Variants in FHIT observed in about 807,000 individuals in gnomAD.
The protein encoded by FHIT is bis(5'-adenosyl)-triphosphatase.
In FHIT, 19 loss-of-function variants were observed where a neutral mutation model predicts 17.9. The observed-to-expected ratio is 1.06, with a 90% confidence interval of 0.74 to 1.56. The LOEUF (loss-of-function observed/expected upper bound fraction) is 1.56. Ranked by LOEUF, FHIT falls within the 40% of genes most tolerant of loss-of-function variation. The pLI, the probability that FHIT is intolerant of heterozygous loss-of-function variation, is 0.00. For missense variants in FHIT, 248 were observed against 189.2 expected, an observed-to-expected ratio of 1.31 and a Z score of -1.82; for synonymous variants, 81 against 69.7, an observed-to-expected ratio of 1.16 and a Z score of -0.81.
intron 4 of FHIT, among the ~76,000 whole-genome samples, chr3:60,696,265 G>T (rs1377412198): frequency 1.3e-5 from 2 of 152,086 alleles, no homozygotes; most frequent in African/African-American, 2.4e-5. Flanking sequence ...CAGTTTTAAG[G>T]TTCCTTCTAG....
At chr3:60,321,600 A>T (rs1709435639) in intron 5 of FHIT, among the ~76,000 whole-genome samples, 1 of 152,234 alleles carries the variant, frequency 6.6e-6, no homozygotes, top group African/African-American at 2.4e-5. Flanking sequence ...AGGAACTCCA[A>T]AGCCTGTAGG....
chr3:61,185,796 A>G (rs569431706), intron 2 of FHIT, among the ~76,000 whole-genome samples: 1 of 152,186 alleles, frequency 6.6e-6, no homozygotes, highest in Non-Finnish European at 1.5e-5. Flanking sequence ...GGGCTGTAGG[A>G]TTATACACAA....
intron 3 of FHIT, among the ~76,000 whole-genome samples, chr3:61,018,599 A>T (rs2032241098): frequency 6.6e-6 from 1 of 152,226 alleles, no homozygotes; most frequent in Admixed American, 6.5e-5. Context: ...AACACAGTAT[A>T]TCACCCCAGC....
chr3:60,458,584 G>GCAA (rs1553777358), intron 5 of FHIT, among the ~76,000 whole-genome samples: 13 of 150,754 alleles, frequency 8.6e-5, no homozygotes, highest in Admixed American at 7.3e-4. Context: ...AACTTAAAGT[G>GCAA]TAATAATAAT....
intron 2 of FHIT, among the ~76,000 whole-genome samples, chr3:61,177,043 G>T (rs1463963048): frequency 6.6e-6 from 1 of 152,036 alleles, no homozygotes; most frequent in Non-Finnish European, 1.5e-5. Context: ...CAGGCATGGC[G>T]GCGGGCGCCT....
intron 2 of FHIT, among the ~76,000 whole-genome samples, chr3:61,095,864 G>A (rs1035607654): frequency 6.6e-6 from 1 of 152,096 alleles, no homozygotes; most frequent in East Asian, 1.9e-4. Flanking sequence ...TAACAGATTT[G>A]CTATCTTGTT....
chr3:59,809,357 C>A (rs1332312063), intron 8 of FHIT, among the ~76,000 whole-genome samples: 2 of 152,168 alleles, frequency 1.3e-5, no homozygotes, highest in Non-Finnish European at 2.9e-5. Context: ...CCAAAGATTG[C>A]GGAAAGGAAG....
chr3:60,722,707 CTTTTTTTTT>C (rs1157024624), intron 4 of FHIT, among the ~76,000 whole-genome samples: 2 of 104,946 alleles, frequency 1.9e-5, no homozygotes, highest in African/African-American at 3.7e-5. Flanking sequence ...TACCTTAAAT[CTTTTTTTTT>C]TTTTTTTTTT....
At position 60,614,431 on chromosome 3, in the gene FHIT, C is replaced by T. The variant is rs374676970; in HGVS notation, c.-17-77452G>A. 4.5e-4 allele frequency among the ~76,000 whole-genome samples: 69 copies of T among 152,188 alleles called. 1 individual carries two copies. The South Asian group carries it at 0.012, about 28-fold the overall frequency. On this transcript the variant is annotated intron_variant, in intron 4 of 9. Transcript: ENST00000492590. ...CCAGCCTGGCCAACATGGCAAAACTCCATCTCTAATAAAAATACACAAATT... is the reference window on the plus strand; with the variant it reads ...CCAGCCTGGCCAACATGGCAAAACTTCATCTCTAATAAAAATACACAAATT...
intron 5 of FHIT, among the ~76,000 whole-genome samples, chr3:60,355,948 T>C (rs188781176): frequency 3.3e-4 from 50 of 152,234 alleles, no homozygotes; most frequent in Non-Finnish European, 5.7e-4. Flanking sequence ...CATTATCAAA[T>C]CAACACCCAA....
At chr3:59,868,060 A>AC (rs1559680458) in intron 8 of FHIT, among the ~76,000 whole-genome samples, 6 of 151,626 alleles carry the variant, frequency 4.0e-5, no homozygotes, top group Non-Finnish European at 5.9e-5. Context: ...AAAAAAAAAA[A>AC]AAAAAACCTT....
chr3:60,460,935 T>C (rs1029925290), intron 5 of FHIT, among the ~76,000 whole-genome samples: 14 of 152,204 alleles, frequency 9.2e-5, no homozygotes, highest in Non-Finnish European at 1.9e-4. Flanking sequence ...ACCTTAGTCA[T>C]CAGTCCCAAA....
chr3:60,894,612 C>T (rs956776286), intron 3 of FHIT, among the ~76,000 whole-genome samples: 1 of 151,986 alleles, frequency 6.6e-6, no homozygotes, highest in Non-Finnish European at 1.5e-5. Flanking sequence ...AAGTTAGGCT[C>T]CTTGATATTC....
chr3:60,171,392 A>C lies in FHIT; in HGVS notation c.104-157240T>G, dbSNP rs949698170. ...TTTGGGTGATGTTCTCTTTGGCCAT[A>C]TGATGTGGTACTCCCATCAGCCTGC... On this transcript the variant is annotated intron_variant, in intron 5 of 9. Transcript: ENST00000492590. 5.3e-5 allele frequency among the ~76,000 whole-genome samples: 8 copies of C among 152,134 alleles called. No homozygotes were observed. In the East Asian group the frequency reaches 1.5e-3, roughly 29 times the overall value.
chr3:59,945,242 T>G (rs1575741399), intron 7 of FHIT, among the ~76,000 whole-genome samples: 1 of 152,182 alleles, frequency 6.6e-6, no homozygotes, highest in South Asian at 2.1e-4. Context: ...GGTATCTTAT[T>G]GTGTTTTTGA....
chr3:60,768,970 T>C (rs1575501094), intron 4 of FHIT, among the ~76,000 whole-genome samples: 1 of 152,200 alleles, frequency 6.6e-6, no homozygotes, highest in Admixed American at 6.5e-5. Context: ...AAAAGACATA[T>C]ACTCAATAAG....
At chr3:60,346,526 GGAATC>G (rs1710789295) in intron 5 of FHIT, among the ~76,000 whole-genome samples, 1 of 152,146 alleles carries the variant, frequency 6.6e-6, no homozygotes. Context: ...TGTGTGGCCT[GGAATC>G]GATCTATGAG....
In FHIT at chr3:60,162,824, C is replaced by T. The variant is rs1700999163; in HGVS notation, c.104-148672G>A. ...CAAGTACATCATTCCCCTATGGCTT[C>T]CCTGGATATTGAGAGACCTGGATTA... On this transcript the variant is annotated intron_variant, in intron 5 of 9. Coordinates refer to ENST00000492590, the MANE Select transcript of FHIT (RefSeq NM_002012.4). Among the ~76,000 whole-genome samples the T allele has an allele frequency of 2.0e-5, 3 of 152,108 alleles. No homozygotes were observed. In the South Asian group the frequency reaches 6.2e-4, roughly 32 times the overall value.
intron 5 of FHIT, among the ~76,000 whole-genome samples, chr3:60,488,768 T>G (rs10222349): frequency 0.091 from 13,855 of 152,226 alleles, 1,068 homozygotes; most frequent in East Asian, 0.39. Context: ...GCTATAGAAT[T>G]ATCTAACTTT....
Sources: allele counts gnomAD v4.1 joint callset (sites outside exome capture counted in the v4.1 genomes callset), GRCh38; gene constraint gnomAD v4.1.1; transcripts MANE v1.5; gene names NCBI Gene and HGNC (gene_info 2026-07-23, HGNC 2026-07-21).